The following PCDH15 variants were observed in gnomAD, a reference collection of about 807,000 sequenced individuals.
PCDH15 encodes protocadherin-15.
In PCDH15, 129 loss-of-function variants were observed where a neutral mutation model predicts 178.5. The observed-to-expected ratio is 0.72, with a 90% CI of 0.63 to 0.84. The LOEUF is 0.84. Ranked by LOEUF, PCDH15 falls within the 40% of genes least tolerant of loss-of-function variation. The pLI is 0.00. For synonymous variants in PCDH15, 800 were observed against 732.0 expected (o/e 1.09, Z -1.50); for missense variants, 2,230 against 2,099.9 (o/e 1.06, Z -1.21).
chr10:55,000,773 C>T (rs1159763812), intron 2 of PCDH15, among the ~76,000 whole-genome samples: 2 of 152,176 alleles, frequency 1.3e-5, no homozygotes, highest in Non-Finnish European at 2.9e-5. Context: ...ACCATGGCTT[C>T]AGTCAGTCCC....
chr10:54,514,418 G>T (rs1204925309), intron 3 of PCDH15, among the ~76,000 whole-genome samples: 2 of 151,720 alleles, frequency 1.3e-5, no homozygotes, highest in Non-Finnish European at 2.9e-5. Flanking sequence ...TTATGTGAAA[G>T]GATAATAATT....
At chr10:55,180,981 G>T (rs1252288954) in intron 1 of PCDH15, among the ~76,000 whole-genome samples, 2 of 151,984 alleles carry the variant, frequency 1.3e-5, no homozygotes, top group Non-Finnish European at 2.9e-5. Context: ...ATATGGCTTT[G>T]AACAGATTAT....
intron 3 of PCDH15, among the ~76,000 whole-genome samples, chr10:54,888,444 T>C (rs1954400704): frequency 6.6e-6 from 1 of 152,014 alleles, no homozygotes; most frequent in African/African-American, 2.4e-5. Context: ...CACATCTAGT[T>C]CTTGGTGGAC....
intron 1 of PCDH15, among the ~76,000 whole-genome samples, chr10:54,696,723 C>A (rs2095231897): frequency 6.6e-6 from 1 of 151,822 alleles, no homozygotes; most frequent in Admixed American, 6.6e-5. Flanking sequence ...AATTTCCACC[C>A]TAAATTTCTA....
chr10:53,908,120 G>C (rs2082808063), intron 25 of PCDH15, among the ~76,000 whole-genome samples: 2 of 152,158 alleles, frequency 1.3e-5, no homozygotes, highest in Admixed American at 6.5e-5. Context: ...CAATTTGGCT[G>C]CTCTAGAGCC....
At chr10:54,488,413 T>C (rs2079289419) in intron 3 of PCDH15, among the ~76,000 whole-genome samples, 1 of 151,774 alleles carries the variant, frequency 6.6e-6, no homozygotes, top group African/African-American at 2.4e-5. Flanking sequence ...TAGGGCCGTG[T>C]TTGAAAATGT....
chr10:55,363,875 G>A (rs568420184), intron 2 of PCDH15, among the ~76,000 whole-genome samples: 1 of 152,180 alleles, frequency 6.6e-6, no homozygotes, highest in African/African-American at 2.4e-5. Flanking sequence ...GACCTCAAGT[G>A]ATCAGCCCGC....
intron 11 of PCDH15, among the ~76,000 whole-genome samples, chr10:54,194,682 A>G (rs1428853263): frequency 6.7e-6 from 1 of 148,820 alleles, no homozygotes; most frequent in Non-Finnish European, 1.5e-5. Flanking sequence ...CTATCTATCT[A>G]TCTATCTATA....
intron 2 of PCDH15, among the ~76,000 whole-genome samples, chr10:55,057,182 A>T (rs986069494): frequency 6.6e-6 from 1 of 152,126 alleles, no homozygotes; most frequent in African/African-American, 2.4e-5. Flanking sequence ...AATCTCAGAC[A>T]ACTTTTTATT....
chr10:55,308,039 T>C (rs564154945), intron 1 of PCDH15, among the ~76,000 whole-genome samples: 1 of 152,190 alleles, frequency 6.6e-6, no homozygotes, highest in African/African-American at 2.4e-5. Flanking sequence ...TAGTGCATTA[T>C]CATTAAAAAT....
chr10:54,944,370 T>C (rs964100985), intron 2 of PCDH15, among the ~76,000 whole-genome samples: 1 of 151,938 alleles, frequency 6.6e-6, no homozygotes, highest in East Asian at 1.9e-4. Flanking sequence ...AATGATTTTC[T>C]ATGCTGAGGT....
rs1197957551 is a variant in PCDH15 at position 55,596,962 on chromosome 10, G to A, written c.-156+30663C>T. 2.0e-5 allele frequency among the ~76,000 whole-genome samples: 3 copies of A among 152,274 alleles called. No homozygotes were observed. The East Asian group carries it at 5.8e-4, about 29-fold the overall frequency. ...CTTGTGCAGAGCAAAGGAAACAGGAGGGTGGAGGGTGGAGAGACAACCTAC... is the reference window on the plus strand; with the variant it reads ...CTTGTGCAGAGCAAAGGAAACAGGAAGGTGGAGGGTGGAGAGACAACCTAC... On this transcript the variant is annotated intron_variant, in intron 2 of 5. Coordinates refer to the PCDH15 transcript ENST00000613346.
At chr10:55,512,651 C>A (rs1418878193) in intron 2 of PCDH15, among the ~76,000 whole-genome samples, 4 of 151,852 alleles carry the variant, frequency 2.6e-5, no homozygotes, top group Non-Finnish European at 4.4e-5. Context: ...ATACAATTGG[C>A]AGTTGGAAGA....
At chr10:54,211,756 G>A (rs987092830) in intron 10 of PCDH15, among the ~76,000 whole-genome samples, 1 of 151,984 alleles carries the variant, frequency 6.6e-6, no homozygotes, top group African/African-American at 2.4e-5. Flanking sequence ...AAAAGAGAGA[G>A]AGAGAGAAGA....
chr10:55,429,176 A>AT (rs200626490), intron 2 of PCDH15, among the ~76,000 whole-genome samples: 3 of 151,948 alleles, frequency 2.0e-5, no homozygotes, highest in South Asian at 4.1e-4. Context: ...TTCTAGTGGT[A>AT]TTTTTTTTCC....
chr10:54,575,623 G>A (rs1025955267), intron 2 of PCDH15, among the ~76,000 whole-genome samples: 1 of 151,808 alleles, frequency 6.6e-6, no homozygotes, highest in Non-Finnish European at 1.5e-5. Flanking sequence ...TAAATGTCTT[G>A]TTCTACTGGG....
At chr10:54,710,888 T>A (rs2095421894) in intron 1 of PCDH15, among the ~76,000 whole-genome samples, 1 of 151,976 alleles carries the variant, frequency 6.6e-6, no homozygotes, top group Non-Finnish European at 1.5e-5. Context: ...ATGCAGTAAT[T>A]TATGGTTCAA....
chr10:54,932,625 A>T (rs1419841851), intron 2 of PCDH15, among the ~76,000 whole-genome samples: 1 of 152,092 alleles, frequency 6.6e-6, no homozygotes, highest in East Asian at 1.9e-4. Context: ...ATCTAGGCTC[A>T]CTGCAAAATC....
chr10:54,430,105 G>T (rs1956790582), intron 3 of PCDH15, among the ~76,000 whole-genome samples: 1 of 146,898 alleles, frequency 6.8e-6, no homozygotes, highest in South Asian at 2.1e-4. Context: ...ACCCAGGCTG[G>T]AGTGCAACTG....
Sources: gnomAD v4.1 joint callset for allele counts (sites outside exome capture counted in the v4.1 genomes callset) on GRCh38, gnomAD v4.1.1 for gene constraint, MANE v1.5 for transcripts, NCBI Gene and HGNC (gene_info 2026-07-23, HGNC 2026-07-21) for gene names.